Variants in ATRNL1 observed in about 807,000 individuals in gnomAD.
ATRNL1 encodes the protein attractin-like protein 1.
ATRNL1 carries 95 observed loss-of-function variants against 182.7 expected under a neutral mutation model. The ratio of observed to expected loss-of-function variants is 0.52; its 90% CI spans 0.44 to 0.62. The LOEUF is 0.62. Among genes scored for constraint, ATRNL1 ranks in the 20% least tolerant of loss-of-function variants. The pLI is 0.00. For synonymous variants in ATRNL1, 576 were observed against 568.3 expected (o/e 1.01, Z -0.19); for missense variants, 1,471 against 1,679.5 (o/e 0.88, Z 2.17).
intron 16 of ATRNL1, 57 bp downstream of exon 16, chr10:115,300,304 C>G (rs1425974147): frequency 1.4e-6 from 2 of 1,406,344 alleles, no homozygotes; most frequent in Admixed American, 1.9e-5. Context: ...CCCATCTTCT[C>G]ATTCCTTCCT....
At chr10:115,209,552 T>G (rs1424672292) in intron 8 of ATRNL1, among the ~76,000 whole-genome samples, 6 of 151,796 alleles carry the variant, frequency 4.0e-5, no homozygotes, top group Non-Finnish European at 8.8e-5. Context: ...AGTATTATCC[T>G]GAGTTAGTTC....
chr10:115,143,194 G>C (rs781840156), intron 5 of ATRNL1, among the ~76,000 whole-genome samples: 8 of 152,170 alleles, frequency 5.3e-5, no homozygotes, highest in Non-Finnish European at 1.0e-4. Flanking sequence ...AAAATTCAGA[G>C]TATCCTGTGC....
intron 19 of ATRNL1, among the ~76,000 whole-genome samples, chr10:115,348,287 G>A (rs1427934919): frequency 6.6e-6 from 1 of 152,012 alleles, no homozygotes; most frequent in Non-Finnish European, 1.5e-5. Context: ...TAACTTTTTA[G>A]TGTCTTAGTT....
intron 5 of ATRNL1, among the ~76,000 whole-genome samples, chr10:115,131,994 A>G (rs1845260355): frequency 6.6e-6 from 1 of 152,074 alleles, no homozygotes; most frequent in Non-Finnish European, 1.5e-5. Flanking sequence ...GGTTTGTTAC[A>G]TATGTATACA....
At chr10:115,655,264 G>A (rs928341490) in intron 26 of ATRNL1, among the ~76,000 whole-genome samples, 3 of 152,076 alleles carry the variant, frequency 2.0e-5, no homozygotes, top group Non-Finnish European at 4.4e-5. Flanking sequence ...AAAAAAGGGC[G>A]ATCACTTTAT....
intron 24 of ATRNL1, among the ~76,000 whole-genome samples, chr10:115,488,315 C>T (rs1239635507): frequency 6.6e-6 from 1 of 152,080 alleles, no homozygotes; most frequent in African/African-American, 2.4e-5. Context: ...CCTCTTGGTA[C>T]CTCTGGTAGA....
intron 27 of ATRNL1, among the ~76,000 whole-genome samples, chr10:115,742,716 A>G (rs546128565): frequency 2.0e-5 from 3 of 152,128 alleles, no homozygotes; most frequent in South Asian, 4.1e-4. Context: ...GCTCTGTTAC[A>G]TTATCTTCCT....
intron 5 of ATRNL1, among the ~76,000 whole-genome samples, chr10:115,140,615 C>G (rs1020555491): frequency 2.0e-5 from 3 of 152,126 alleles, no homozygotes; most frequent in Non-Finnish European, 4.4e-5. Flanking sequence ...TCAAATTGTT[C>G]CTGTTCCTTT....
intron 26 of ATRNL1, among the ~76,000 whole-genome samples, chr10:115,558,069 A>G (rs559743877): frequency 6.6e-6 from 1 of 151,156 alleles, no homozygotes. Context: ...AAAAAACAAA[A>G]AAAAAAAACC....
At chr10:115,428,669 A>G (rs1846014072) in intron 21 of ATRNL1, among the ~76,000 whole-genome samples, 1 of 152,044 alleles carries the variant, frequency 6.6e-6, no homozygotes, top group African/African-American at 2.4e-5. Context: ...TTGTTAATAT[A>G]GTGATTTTAG....
At chr10:115,094,473 C>A (rs1012359812) in intron 1 of ATRNL1, among the ~76,000 whole-genome samples, 3 of 152,220 alleles carry the variant, frequency 2.0e-5, no homozygotes, top group Non-Finnish European at 4.4e-5. Flanking sequence ...CAGTTATGAT[C>A]TATGAGTGCC....
intron 19 of ATRNL1, among the ~76,000 whole-genome samples, chr10:115,379,950 C>T (rs1857900391): frequency 6.6e-6 from 1 of 152,198 alleles, no homozygotes; most frequent in Admixed American, 6.5e-5. Context: ...CCTCAGCCTC[C>T]CTAGTAGCTG....
chr10:115,735,488 C>T (rs1410799888), intron 27 of ATRNL1, among the ~76,000 whole-genome samples: 2 of 151,948 alleles, frequency 1.3e-5, no homozygotes, highest in South Asian at 2.1e-4. Flanking sequence ...AGTACCAAAC[C>T]GAGATATACA....
intron 1 of ATRNL1, among the ~76,000 whole-genome samples, chr10:115,110,705 T>G (rs1844220373): frequency 6.6e-6 from 1 of 152,196 alleles, no homozygotes; most frequent in Non-Finnish European, 1.5e-5. Flanking sequence ...CAATACATAG[T>G]TGAAAAAAGT....
chr10:115,098,204 G>A (rs1463378613), intron 1 of ATRNL1, among the ~76,000 whole-genome samples: 1 of 151,984 alleles, frequency 6.6e-6, no homozygotes, highest in Admixed American at 6.6e-5. Context: ...AAATTGATAA[G>A]GTAAGTTACT....
chr10:115,245,568 A>C (rs868953129), intron 10 of ATRNL1, among the ~76,000 whole-genome samples: 4 of 151,536 alleles, frequency 2.6e-5, no homozygotes, highest in Non-Finnish European at 5.9e-5. Flanking sequence ...ATTTTGTCCA[A>C]CTGTTTGGAG....
intron 19 of ATRNL1, among the ~76,000 whole-genome samples, chr10:115,363,291 T>G: frequency 6.6e-6 from 1 of 152,156 alleles, no homozygotes; most frequent in Non-Finnish European, 1.5e-5. Flanking sequence ...TTTTTTCATG[T>G]GTCTTTTGGC....
At chr10:115,280,271 G>A (rs1433672760) in intron 13 of ATRNL1, among the ~76,000 whole-genome samples, 2 of 152,150 alleles carry the variant, frequency 1.3e-5, no homozygotes, top group Non-Finnish European at 1.5e-5. Flanking sequence ...GAATCTCTAA[G>A]ATCATTTAAG....
chr10:115,103,389 A>AGTTG (rs1223799823), intron 1 of ATRNL1, among the ~76,000 whole-genome samples: 2 of 152,038 alleles, frequency 1.3e-5, no homozygotes, highest in African/African-American at 2.4e-5. Context: ...AGGCTATTGT[A>AGTTG]GTTGGTAGTA....
Sources: gnomAD v4.1 joint callset for allele counts (sites outside exome capture counted in the v4.1 genomes callset) on GRCh38, gnomAD v4.1.1 for gene constraint, MANE v1.5 for transcripts, NCBI Gene and HGNC (gene_info 2026-07-23, HGNC 2026-07-21) for gene names.